Variants in ZNF45 observed in about 807,000 individuals in gnomAD.
The protein encoded by ZNF45 is zinc finger protein 45, also known as BRC1744.
Under a neutral mutation model 12.0 loss-of-function variants are expected in ZNF45, and 4 were observed. That is an observed-to-expected ratio of 0.33 (90% CI 0.16 to 0.76). The LOEUF is 0.76. ZNF45 is among the 30% of genes least tolerant of loss of function. The pLI is 0.60. For missense variants in ZNF45, 700 were observed against 813.0 expected (o/e 0.86, Z 1.69); for synonymous variants, 272 against 279.6 (o/e 0.97, Z 0.27).
chr19:43,932,620 C>G lies in ZNF45; in HGVS notation c.-416G>C, dbSNP rs1974221689. ...ATCACTTACTCACTGAATAACTCCTCTTTGCAAACCTCTTGCTGGGTACTC... is the reference window on the plus strand; with the variant it reads ...ATCACTTACTCACTGAATAACTCCTGTTTGCAAACCTCTTGCTGGGTACTC... On this transcript the variant is annotated 5_prime_UTR_variant, in exon 3 of 10. Transcript: ENST00000269973. 6.6e-6 allele frequency: 1 copy of G among 152,186 alleles called. No homozygotes were observed. Among genetic ancestry groups the G allele is most frequent in the Non-Finnish European group, 1.5e-5 (1 of 68,038 alleles). 9.4% of individuals were successfully genotyped at this position (152,186 alleles called of 1,614,324 possible).
Position 43,919,450 on chromosome 19 carries a change from T to C in ZNF45, c.142+123A>G, listed in dbSNP as rs113184532. Reference sequence around the variant, plus strand: ...GGAGAAAGACTTTAAAAATTCCATATCTGTCTTATGATGGATGATTAGAAA... The same window carrying C: ...GGAGAAAGACTTTAAAAATTCCATACCTGTCTTATGATGGATGATTAGAAA... On this transcript the variant is annotated intron_variant, in intron 8 of 9. Coordinates refer to ENST00000269973, the MANE Select transcript of ZNF45 (RefSeq NM_003425.4). The C allele has an allele frequency of 3.0e-5, 37 of 1,218,684 alleles. No homozygotes were observed. The African/African-American group carries it at 5.4e-4, about 18-fold the overall frequency. The allele number at this position is 1,218,684 out of a possible 1,614,324, so 75.5% of individuals were successfully genotyped here. A position where few individuals can be genotyped will look rare whatever the true frequency, so the allele number is the denominator to read the frequency against.
rs1259870517 is a variant in ZNF45, at chr19:43,913,255, T to A, written c.*132A>T. On this transcript the variant is annotated 3_prime_UTR_variant, in exon 10 of 10. Coordinates refer to ENST00000269973, the MANE Select transcript of ZNF45 (RefSeq NM_003425.4). The stretch of plus-strand genomic sequence containing the variant: ...AATGCAGTCCATATGTCTCCACTCT[T>A]GTGAGGCTTCTCTGCTGTGTGGTCT... The A allele has an allele frequency of 9.6e-7, 1 of 1,043,434 alleles. No homozygotes were observed. Among genetic ancestry groups the A allele is most frequent in the East Asian group, 2.5e-5 (1 of 40,322 alleles). The allele number at this position is 1,043,434 out of a possible 1,614,324, so 64.6% of individuals were successfully genotyped here.
In ZNF45 at chr19:43,914,754, T is replaced by G; in HGVS notation, c.682A>C (p.Ser228Arg). ...GGAAGATGTGACCTCTGACTAAAAC[T>G]CCTGTAACTTGCATCATTTGTGTAT... ...KSYTNDASYR[S>R]FSQRSHLPHH... The change falls in exon 10 of 10, where the codon AGT becomes CGT. Residue 228 changes from serine to arginine, a missense_variant. Physicochemically the swap from Ser to Arg is moderately radical, Grantham distance 110. Coordinates refer to ENST00000269973, the MANE Select transcript of ZNF45 (RefSeq NM_003425.4). The G allele has an allele frequency of 6.2e-7, 1 of 1,614,146 alleles. No individual in the cohort carries two copies. Among genetic ancestry groups the G allele is most frequent in the Non-Finnish European group, 8.5e-7 (1 of 1,180,032 alleles).
chr19:43,919,786 T>C (rs1972980174), intron 7 of ZNF45, 87 bp from the exon 8 acceptor site: 3 of 1,444,560 alleles, frequency 2.1e-6, no homozygotes, highest in Admixed American at 2.0e-5. Flanking sequence ...AAAAGATGTG[T>C]AGGGAAAGGT....
chr19:43,914,323 C>T lies in ZNF45; in HGVS notation c.1113G>A (p.Val371=), dbSNP rs151124285. Residue 371 remains valine (V), a synonymous_variant, in exon 10 of 10, where the codon GTG becomes GTA. Transcript: ENST00000269973. ...KCEECGKGFS[V]GSHLQAHQIS... ...TCTGATGGGCCTGAAGGTGTGAACC[C>T]ACACTGAAACCTTTCCCACACTCCT... 1.8e-4 allele frequency: 297 copies of T among 1,612,768 alleles called. No homozygotes were observed. In the African/African-American group the frequency reaches 3.2e-3, roughly 17 times the overall value.
chr19:43,913,299 C>A lies in ZNF45; in HGVS notation c.*88G>T. 2.0e-6 allele frequency: 3 copies of A among 1,466,826 alleles called. No homozygotes were observed. The highest frequency in any genetic ancestry group is 2.8e-5 in the African/African-American group (2 of 71,008). The allele number at this position is 1,466,826 out of a possible 1,614,324, so 90.9% of individuals were successfully genotyped here. A position where few individuals can be genotyped will look rare whatever the true frequency, so the allele number is the denominator to read the frequency against. ...GTGGTCTCCCAATCACTTGGCTGAA[C>A]TACTGACTCTATAAAACAAATGTTT... is the stretch of plus-strand genomic sequence containing the variant. On this transcript the variant is annotated 3_prime_UTR_variant, in exon 10 of 10. Transcript: ENST00000269973.
At chr19:43,926,772 A>G (rs1433136332) in intron 3 of ZNF45, among the ~76,000 whole-genome samples, 1 of 152,220 alleles carries the variant, frequency 6.6e-6, no homozygotes, top group Admixed American at 6.5e-5. Flanking sequence ...ACTGAGCTCT[A>G]TTAGCCAGAG....
In ZNF45 at chr19:43,914,216, T is replaced by C. The variant is rs1972445097; in HGVS notation, c.1220A>G (p.Gln407Arg). 3.1e-6 allele frequency: 5 copies of C among 1,606,890 alleles called. No homozygotes were observed. Among genetic ancestry groups the C allele is most frequent in the Non-Finnish European group, 3.4e-6 (4 of 1,175,248 alleles). Residue 407 changes from glutamine to arginine, a missense_variant, in exon 10 of 10, where the codon CAA becomes CGA. Gln to Arg is a conservative substitution (Grantham distance 43). Coordinates refer to ENST00000269973, the MANE Select transcript of ZNF45 (RefSeq NM_003425.4). ...CGGTTTCTCTCCAGTATGGCCTCTT[T>C]GATGGTCCAGCAGATTTGAGGCCCG... ...FCRASNLLDH[Q>R]RGHTGEKPYQ...
chr19:43,933,915 T>C (rs1974327109), intron 2 of ZNF45, among the ~76,000 whole-genome samples: 1 of 152,222 alleles, frequency 6.6e-6, no homozygotes, highest in African/African-American at 2.4e-5. Flanking sequence ...TTTTCTAAAG[T>C]CTAAACTCAA....
At chr19:43,919,808 A>G (rs1972982055) in intron 7 of ZNF45, 109 bp from the exon 8 acceptor site, 1 of 1,222,612 alleles carries the variant, frequency 8.2e-7, no homozygotes, top group Non-Finnish European at 1.2e-6. Flanking sequence ...TCAGATTCTT[A>G]AGAGACCATA....
chr19:43,933,089 T>A (rs1489604268), intron 2 of ZNF45, among the ~76,000 whole-genome samples: 1 of 152,188 alleles, frequency 6.6e-6, no homozygotes, highest in African/African-American at 2.4e-5. Flanking sequence ...ACAAATACAT[T>A]TCTGTATAAT....
intron 9 of ZNF45, among the ~76,000 whole-genome samples, chr19:43,915,872 G>A (rs1416394655): frequency 2.6e-5 from 4 of 152,140 alleles, no homozygotes; most frequent in Non-Finnish European, 4.4e-5. Flanking sequence ...CCTAAAGTTC[G>A]AGTGTAAACA....
At chr19:43,917,952 T>C (rs1473657853) in intron 9 of ZNF45, among the ~76,000 whole-genome samples, 1 of 152,244 alleles carries the variant, frequency 6.6e-6, no homozygotes, top group Non-Finnish European at 1.5e-5. Flanking sequence ...TTCTTTAGTA[T>C]ATGTTTATTT....
intron 9 of ZNF45, among the ~76,000 whole-genome samples, chr19:43,916,950 A>G (rs28397227): frequency 1.3e-5 from 2 of 152,104 alleles, no homozygotes; most frequent in Non-Finnish European, 2.9e-5. Flanking sequence ...TGCTTCTAAA[A>G]TTTTTGTTCT....
chr19:43,919,060 CTT>C, intron 8 of ZNF45, 98 bp from the exon 9 acceptor site: 1 of 978,718 alleles, frequency 1.0e-6, no homozygotes, highest in Non-Finnish European at 1.6e-6. Context: ...GGACATCAAA[CTT>C]AGTGTTTTCC....
chr19:43,913,541 CTT>C lies in ZNF45; in HGVS notation c.1893_1894del (p.Arg632SerfsTer11), dbSNP rs770092846. 7.4e-6 allele frequency: 12 copies of C among 1,613,656 alleles called. No homozygotes were observed. The highest frequency in any genetic ancestry group is 7.6e-6 in the Non-Finnish European group (9 of 1,179,850). ...GTATGGTTTTTCTCCGGTGTGAACT[CTT>C]TGATGGGCTTGAAGGTATGAGCTCC... is the stretch of plus-strand genomic sequence containing the variant. On this transcript the variant is annotated frameshift_variant, in exon 10 of 10. Coordinates refer to ENST00000269973, the MANE Select transcript of ZNF45 (RefSeq NM_003425.4). LOFTEE classifies it low-confidence loss of function (END_TRUNC).
chr19:43,922,293 G>GTT, intron 6 of ZNF45, 76 bp from the exon 7 acceptor site: 1 of 1,036,048 alleles, frequency 9.7e-7, no homozygotes, highest in Middle Eastern at 2.2e-4. Context: ...AACCATAGCT[G>GTT]TTTTTTTGTT....
intron 2 of ZNF45, among the ~76,000 whole-genome samples, chr19:43,933,343 C>T (rs1260714058): frequency 2.0e-5 from 3 of 151,964 alleles, no homozygotes; most frequent in South Asian, 4.1e-4. Context: ...GTGACGGGCA[C>T]CTGTAAAGCC....
chr19:43,932,064 G>A (rs1032900154), intron 3 of ZNF45, among the ~76,000 whole-genome samples: 1 of 152,182 alleles, frequency 6.6e-6, no homozygotes, highest in African/African-American at 2.4e-5. Context: ...GGCCAGGCAT[G>A]GTGGCTCATG....
Sources: allele counts gnomAD v4.1 joint callset (sites outside exome capture counted in the v4.1 genomes callset), GRCh38; gene constraint gnomAD v4.1.1; transcripts MANE v1.5; gene names NCBI Gene and HGNC (gene_info 2026-07-23, HGNC 2026-07-21).